The following DPYD variants were observed in gnomAD, a reference collection of about 807,000 sequenced individuals.
The protein encoded by DPYD is dihydropyrimidine dehydrogenase.
Under a neutral mutation model 116.2 loss-of-function variants are expected in DPYD, and 109 were observed. The observed-to-expected ratio is 0.94, with a 90% CI of 0.80 to 1.10. The LOEUF (loss-of-function observed/expected upper bound fraction) is 1.10. Among genes scored for constraint, DPYD ranks in the 50% least tolerant of loss-of-function variants. DPYD has a pLI of 0.00. For synonymous variants in DPYD, 440 were observed against 432.0 expected (o/e 1.02, Z -0.23); for missense variants, 1,302 against 1,254.5 (o/e 1.04, Z -0.57).
intron 18 of DPYD, among the ~76,000 whole-genome samples, chr1:97,264,180 T>A (rs1462326722): frequency 1.4e-5 from 2 of 140,258 alleles, no homozygotes; most frequent in African/African-American, 5.2e-5. Flanking sequence ...TTTTTTTTTT[T>A]TTTTTTTTTT....
chr1:97,893,355 A>T (rs1044314337), intron 1 of DPYD, among the ~76,000 whole-genome samples: 16 of 148,866 alleles, frequency 1.1e-4, no homozygotes, highest in African/African-American at 3.9e-4. Flanking sequence ...CTGAAAATAC[A>T]ATATGCTTTT....
chr1:97,097,415 A>G (rs1356773346), intron 21 of DPYD, among the ~76,000 whole-genome samples: 1 of 152,202 alleles, frequency 6.6e-6, no homozygotes, highest in Non-Finnish European at 1.5e-5. Flanking sequence ...TTGAGAACAC[A>G]TAAAAGCAAG....
At chr1:97,162,001 T>C (rs1655946090) in intron 20 of DPYD, among the ~76,000 whole-genome samples, 1 of 152,046 alleles carries the variant, frequency 6.6e-6, no homozygotes, top group South Asian at 2.1e-4. Flanking sequence ...TTCCAAGTCT[T>C]TGCTATTGTG....
intron 20 of DPYD, among the ~76,000 whole-genome samples, chr1:97,189,745 A>G (rs1570632817): frequency 2.6e-5 from 4 of 152,178 alleles, no homozygotes; most frequent in Admixed American, 1.3e-4. Context: ...GGATTTAGAA[A>G]TATCTTTTGG....
intron 8 of DPYD, among the ~76,000 whole-genome samples, chr1:97,608,345 C>T (rs908667202): frequency 6.6e-6 from 1 of 151,872 alleles, no homozygotes; most frequent in Admixed American, 6.6e-5. Context: ...TAAATAAATA[C>T]ATCAAAACTA....
intron 3 of DPYD, among the ~76,000 whole-genome samples, chr1:97,821,765 C>T (rs1446893104): frequency 6.6e-6 from 1 of 152,118 alleles, no homozygotes; most frequent in Non-Finnish European, 1.5e-5. Context: ...ATACATTACA[C>T]ATGTAATTCT....
intron 21 of DPYD, chr1:97,095,986 G>A (rs551476725): frequency 6.6e-6 from 1 of 152,190 alleles, no homozygotes; most frequent in South Asian, 2.1e-4. Flanking sequence ...CTAAGATGCT[G>A]GTAAGATGGT....
chr1:97,410,967 G>C (rs4492658), intron 14 of DPYD, among the ~76,000 whole-genome samples: 38,946 of 151,924 alleles, frequency 0.26, 5,318 homozygotes, highest in Middle Eastern at 0.37. Context: ...ATTGCAAACA[G>C]ATACTACGTC....
intron 13 of DPYD, among the ~76,000 whole-genome samples, chr1:97,467,825 C>T (rs1238756406): frequency 6.6e-6 from 1 of 152,130 alleles, no homozygotes; most frequent in East Asian, 1.9e-4. Context: ...AACTTTCTTG[C>T]CATATCCCAA....
intron 2 of DPYD, among the ~76,000 whole-genome samples, chr1:97,882,467 T>C (rs929023387): frequency 6.6e-6 from 1 of 152,176 alleles, no homozygotes; most frequent in African/African-American, 2.4e-5. Flanking sequence ...AGAAAGTATA[T>C]ACACGGTTCC....
intron 2 of DPYD, among the ~76,000 whole-genome samples, chr1:97,862,289 G>A (rs1421920854): frequency 6.6e-6 from 1 of 151,708 alleles, no homozygotes; most frequent in Non-Finnish European, 1.5e-5. Context: ...GAGTTTAAAT[G>A]GTTTCCAGTC....
At chr1:97,707,292 C>A (rs1662021224) in intron 5 of DPYD, among the ~76,000 whole-genome samples, 1 of 151,880 alleles carries the variant, frequency 6.6e-6, no homozygotes, top group South Asian at 2.1e-4. Flanking sequence ...AGCTTATGAG[C>A]ATATATTTTT....
At chr1:97,522,098 C>T (rs1648723727) in intron 12 of DPYD, among the ~76,000 whole-genome samples, 1 of 152,160 alleles carries the variant, frequency 6.6e-6, no homozygotes, top group South Asian at 2.1e-4. Context: ...TCAAAAGAAA[C>T]TATCATCAGA....
chr1:97,226,936 T>C (rs1476131950), intron 19 of DPYD, among the ~76,000 whole-genome samples: 2 of 152,130 alleles, frequency 1.3e-5, no homozygotes, highest in East Asian at 3.9e-4. Context: ...TGTCAAAGCA[T>C]GTTACAGAAT....
chr1:97,918,521 T>A (rs190314235), intron 1 of DPYD, among the ~76,000 whole-genome samples: 127 of 152,350 alleles, frequency 8.3e-4, no homozygotes, highest in African/African-American at 3.0e-3. Flanking sequence ...CCAGGGATAT[T>A]CCAGCTATGG....
chr1:97,532,331 C>G (rs531883121), intron 12 of DPYD, among the ~76,000 whole-genome samples: 18 of 152,118 alleles, frequency 1.2e-4, no homozygotes, highest in African/African-American at 4.1e-4. Flanking sequence ...GGGATATTGG[C>G]CTGTCATTTT....
At chr1:97,591,993 G>A (rs1030662798) in intron 10 of DPYD, among the ~76,000 whole-genome samples, 12 of 151,978 alleles carry the variant, frequency 7.9e-5, no homozygotes, top group African/African-American at 2.9e-4. Flanking sequence ...GATAATAAAC[G>A]TGGAATTTGA....
intron 5 of DPYD, among the ~76,000 whole-genome samples, chr1:97,715,115 A>G (rs567345664): frequency 1.3e-5 from 2 of 152,096 alleles, no homozygotes; most frequent in African/African-American, 2.4e-5. Flanking sequence ...ATTAGCTGTG[A>G]TTTTGTAATC....
chr1:97,190,611 C>G (rs1570634256), intron 20 of DPYD, among the ~76,000 whole-genome samples: 1 of 152,276 alleles, frequency 6.6e-6, no homozygotes, highest in East Asian at 1.9e-4. Context: ...AGTAAGTGTA[C>G]TAACACCCAA....
Sources: allele counts gnomAD v4.1 joint callset (sites outside exome capture counted in the v4.1 genomes callset), GRCh38; gene constraint gnomAD v4.1.1; transcripts MANE v1.5; gene names NCBI Gene and HGNC (gene_info 2026-07-23, HGNC 2026-07-21).